CCBE1: variants seen among roughly 807,000 people sequenced by gnomAD.
The protein encoded by CCBE1 is collagen and calcium-binding EGF domain-containing protein 1.
A neutral mutation model predicts 50.0 loss-of-function variants in CCBE1; 37 were observed. That is an observed-to-expected ratio of 0.74 (90% CI 0.57 to 0.97). The LOEUF is 0.97. CCBE1 is among the 50% of genes least tolerant of loss of function. The pLI is 0.00. For missense variants in CCBE1, 538 were observed against 523.8 expected (o/e 1.03, Z -0.26); for synonymous variants, 234 against 203.7 (o/e 1.15, Z -1.27).
intron 2 of CCBE1, among the ~76,000 whole-genome samples, chr18:59,611,074 C>T (rs572683566): frequency 7.2e-5 from 11 of 152,206 alleles, no homozygotes; most frequent in Non-Finnish European, 1.2e-4. Flanking sequence ...CAACAGCATG[C>T]GTTGCTTTCA....
chr18:59,606,794 C>T lies in CCBE1; in HGVS notation c.212+89835G>A, dbSNP rs149876839. Among the ~76,000 whole-genome samples the T allele has an allele frequency of 2.2e-4, 34 of 152,312 alleles. 1 individual carries two copies. Among genetic ancestry groups the T allele is most frequent in the African/African-American group, 7.9e-4 (33 of 41,568 alleles). On this transcript the variant is annotated intron_variant, in intron 2 of 10. Coordinates refer to ENST00000439986, the MANE Select transcript of CCBE1 (RefSeq NM_133459.4). Reference sequence around the variant, plus strand: ...AAATGGGTTAACCTTATATTTGCAACACGAATGCTATTTCTCTCACTACAT... The same window carrying T: ...AAATGGGTTAACCTTATATTTGCAATACGAATGCTATTTCTCTCACTACAT...
intron 2 of CCBE1, among the ~76,000 whole-genome samples, chr18:59,575,508 G>T (rs528129667): frequency 6.6e-6 from 1 of 152,272 alleles, no homozygotes; most frequent in East Asian, 1.9e-4. Context: ...TTATAGTCAG[G>T]ATTTTGATAC....
rs566689141 is a variant in CCBE1, at chr18:59,560,744, G to A, written c.213-80506C>T. Among the ~76,000 whole-genome samples, 11 of 152,332 alleles carry A rather than the reference G, an allele frequency of 7.2e-5. 1 individual carries two copies. In the South Asian group the frequency reaches 2.3e-3, roughly 32 times the overall value. ...CCTTCTGGCTCATAAGAGTGTGGCA[G>A]GGCGGGTTACAGTTGTCACGTGGAC... On this transcript the variant is annotated intron_variant, in intron 2 of 10. Coordinates refer to ENST00000439986, the MANE Select transcript of CCBE1 (RefSeq NM_133459.4).
chr18:59,584,287 G>A (rs888120991), intron 2 of CCBE1, among the ~76,000 whole-genome samples: 2 of 149,042 alleles, frequency 1.3e-5, no homozygotes, highest in South Asian at 2.1e-4. Context: ...ACTCATAGAT[G>A]GGAATTGGAC....
intron 2 of CCBE1, among the ~76,000 whole-genome samples, chr18:59,517,236 AG>A (rs1388082368): frequency 4.6e-5 from 7 of 152,242 alleles, no homozygotes; most frequent in African/African-American, 1.7e-4. Context: ...AGCTAAGAAC[AG>A]GGCATCAAAC....
chr18:59,592,919 A>G (rs2053294193), intron 2 of CCBE1, among the ~76,000 whole-genome samples: 1 of 152,210 alleles, frequency 6.6e-6, no homozygotes, highest in Admixed American at 6.5e-5. Context: ...AAAATAAAAA[A>G]AAAGGAAGGA....
chr18:59,506,478 A>G (rs80104991), intron 2 of CCBE1, among the ~76,000 whole-genome samples: 2,056 of 152,348 alleles, frequency 0.013, 55 homozygotes, highest in African/African-American at 0.046. Flanking sequence ...GAATGAAGGG[A>G]GGGAGAGGTA....
intron 2 of CCBE1, among the ~76,000 whole-genome samples, chr18:59,676,562 C>T (rs146314129): frequency 6.6e-6 from 1 of 152,292 alleles, no homozygotes; most frequent in African/African-American, 2.4e-5. Flanking sequence ...TCTTACCATA[C>T]AGTAATATGT....
intron 2 of CCBE1, among the ~76,000 whole-genome samples, chr18:59,684,255 C>T (rs754032812): frequency 1.3e-5 from 2 of 152,270 alleles, no homozygotes; most frequent in African/African-American, 2.4e-5. Context: ...TCAAGACCAG[C>T]CTGGCCAACA....
intron 2 of CCBE1, among the ~76,000 whole-genome samples, chr18:59,498,396 G>A (rs763915677): frequency 3.3e-5 from 5 of 152,118 alleles, no homozygotes; most frequent in South Asian, 2.1e-4. Flanking sequence ...TTTCTGTTTC[G>A]CAGACAGAAG....
intron 2 of CCBE1, among the ~76,000 whole-genome samples, chr18:59,546,136 A>G (rs1915673170): frequency 6.6e-6 from 1 of 152,258 alleles, no homozygotes; most frequent in Non-Finnish European, 1.5e-5. Context: ...CTATAAGCTT[A>G]ACACTAGATA....
At chr18:59,478,842 T>C in intron 3 of CCBE1, among the ~76,000 whole-genome samples, 1 of 152,228 alleles carries the variant, frequency 6.6e-6, no homozygotes. Context: ...TTTGTGGGTT[T>C]ACCCATCATG....
At chr18:59,481,622 C>T (rs1246400272) in intron 2 of CCBE1, among the ~76,000 whole-genome samples, 1 of 152,132 alleles carries the variant, frequency 6.6e-6, no homozygotes, top group Admixed American at 6.5e-5. Flanking sequence ...TAACCACGAA[C>T]CTCTCATCAG....
chr18:59,549,608 A>G (rs1357357894), intron 2 of CCBE1, among the ~76,000 whole-genome samples: 1 of 152,194 alleles, frequency 6.6e-6, no homozygotes. Flanking sequence ...TTCTGTTAAT[A>G]CCTGAGCAAC....
chr18:59,675,656 G>A (rs900872731), intron 2 of CCBE1, among the ~76,000 whole-genome samples: 7 of 152,228 alleles, frequency 4.6e-5, no homozygotes, highest in Admixed American at 3.3e-4. Context: ...ACATTCAGGA[G>A]ATGAGGAAAA....
At chr18:59,522,514 G>A (rs752747894) in intron 2 of CCBE1, among the ~76,000 whole-genome samples, 6 of 152,228 alleles carry the variant, frequency 3.9e-5, no homozygotes, top group Non-Finnish European at 5.9e-5. Context: ...ATTAGTGCGT[G>A]ACTGGGATCA....
At chr18:59,644,078 G>T (rs2054024867) in intron 2 of CCBE1, among the ~76,000 whole-genome samples, 1 of 152,120 alleles carries the variant, frequency 6.6e-6, no homozygotes, top group South Asian at 2.1e-4. Context: ...AGGGTTTAAG[G>T]GAGGCCCAGG....
At chr18:59,556,064 G>A (rs2052651957) in intron 2 of CCBE1, among the ~76,000 whole-genome samples, 1 of 152,180 alleles carries the variant, frequency 6.6e-6, no homozygotes, top group East Asian at 1.9e-4. Flanking sequence ...TCTCAGCTCT[G>A]CAAGCTCCCA....
chr18:59,671,823 G>T (rs552294166), intron 2 of CCBE1, among the ~76,000 whole-genome samples: 5 of 146,670 alleles, frequency 3.4e-5, no homozygotes, highest in South Asian at 2.1e-4. Flanking sequence ...AAAAAAAAAG[G>T]GGGGGGGTAG....
Sources: gnomAD v4.1 joint callset for allele counts (sites outside exome capture counted in the v4.1 genomes callset) on GRCh38, gnomAD v4.1.1 for gene constraint, MANE v1.5 for transcripts, NCBI Gene and HGNC (gene_info 2026-07-23, HGNC 2026-07-21) for gene names.